DMRT1: variants seen among roughly 807,000 people sequenced by gnomAD.
The protein encoded by DMRT1 is doublesex- and mab-3-related transcription factor 1.
In DMRT1, 7 loss-of-function variants were observed where a neutral mutation model predicts 32.3. The ratio of observed to expected loss-of-function variants is 0.22; its 90% CI spans 0.12 to 0.41. DMRT1 has a LOEUF of 0.41. Ranked by LOEUF, DMRT1 falls within the 10% of genes least tolerant of loss-of-function variation. The pLI, the probability that DMRT1 is intolerant of heterozygous loss-of-function variation, is 1.00. For missense variants in DMRT1, 625 were observed against 500.5 expected, an observed-to-expected ratio of 1.25 and a Z score of -2.37; for synonymous variants, 278 against 206.1, an observed-to-expected ratio of 1.35 and a Z score of -2.99.
rs1417437228 is a variant in DMRT1, at chr9:841,766, T to C, written c.-73T>C. Reference sequence around the variant, plus strand: ...TCCTCCTCCGGAGCGTCGCTGTCCGTCGGGTTCATCCCTCGCAGCAGTCTC... The same window carrying C: ...TCCTCCTCCGGAGCGTCGCTGTCCGCCGGGTTCATCCCTCGCAGCAGTCTC... On this transcript the variant is annotated 5_prime_UTR_variant, in exon 1 of 5. Coordinates refer to ENST00000382276, the MANE Select transcript of DMRT1 (RefSeq NM_021951.3). 1 of 1,553,220 alleles carries C rather than the reference T, an allele frequency of 6.4e-7. No individual in the cohort carries two copies. Among genetic ancestry groups the C allele is most frequent in the African/African-American group, 1.4e-5 (1 of 73,258 alleles).
At chr9:900,102 G>C (rs1351947001) in intron 3 of DMRT1, among the ~76,000 whole-genome samples, 2 of 152,232 alleles carry the variant, frequency 1.3e-5, no homozygotes, top group Non-Finnish European at 2.9e-5. Flanking sequence ...ATTGGGAAAA[G>C]TGAGTCTTGG....
chr9:861,358 A>T (rs986169646), intron 2 of DMRT1, among the ~76,000 whole-genome samples: 3 of 152,196 alleles, frequency 2.0e-5, no homozygotes, highest in Non-Finnish European at 4.4e-5. Flanking sequence ...GACACAGCAC[A>T]TGTTTCAGAG....
At chr9:843,296 G>A (rs1216518510) in intron 1 of DMRT1, among the ~76,000 whole-genome samples, 4 of 152,254 alleles carry the variant, frequency 2.6e-5, no homozygotes, top group Non-Finnish European at 5.9e-5. Flanking sequence ...AATGGACACA[G>A]CGTTGCGCGG....
chr9:903,515 G>A (rs1268943635), intron 3 of DMRT1, among the ~76,000 whole-genome samples: 3 of 152,202 alleles, frequency 2.0e-5, no homozygotes, highest in African/African-American at 7.2e-5. Context: ...TGATCCTGCA[G>A]CAAGGGTAGT....
At chr9:859,943 G>T (rs1815580916) in intron 2 of DMRT1, among the ~76,000 whole-genome samples, 1 of 152,166 alleles carries the variant, frequency 6.6e-6, no homozygotes, top group Non-Finnish European at 1.5e-5. Flanking sequence ...GTTGATTTCA[G>T]AACTTATAAA....
intron 4 of DMRT1, among the ~76,000 whole-genome samples, chr9:954,395 G>T (rs1230765920): frequency 1.3e-5 from 2 of 152,164 alleles, no homozygotes; most frequent in East Asian, 3.9e-4. Context: ...GGTAGGATAG[G>T]GTCATTGGAA....
At chr9:878,853 C>T (rs917749392) in intron 2 of DMRT1, among the ~76,000 whole-genome samples, 5 of 152,148 alleles carry the variant, frequency 3.3e-5, no homozygotes, top group Admixed American at 6.5e-5. Flanking sequence ...TTCTTTGCTA[C>T]GTGCAAAGGC....
At chr9:905,945 A>G (rs1226462472) in intron 3 of DMRT1, among the ~76,000 whole-genome samples, 2 of 151,920 alleles carry the variant, frequency 1.3e-5, no homozygotes, top group African/African-American at 4.8e-5. Context: ...GGCAGTGCAC[A>G]TTTCTTGGTT....
At chr9:898,221 G>T (rs1817447303) in intron 3 of DMRT1, among the ~76,000 whole-genome samples, 1 of 152,048 alleles carries the variant, frequency 6.6e-6, no homozygotes. Context: ...CCAGGTTCAA[G>T]TGATTCCTGT....
chr9:897,351 C>T (rs1158347546), intron 3 of DMRT1, among the ~76,000 whole-genome samples: 7 of 151,674 alleles, frequency 4.6e-5, no homozygotes, highest in East Asian at 1.9e-4. Context: ...CTCCTGACCT[C>T]GTGATCCACC....
chr9:851,303 A>G (rs999258613), intron 2 of DMRT1, among the ~76,000 whole-genome samples: 14 of 151,894 alleles, frequency 9.2e-5, no homozygotes, highest in Non-Finnish European at 1.3e-4. Context: ...CAGTGGTGCA[A>G]TCTTGGCTCA....
intron 2 of DMRT1, among the ~76,000 whole-genome samples, chr9:851,524 C>G (rs1293493583): frequency 6.6e-6 from 1 of 152,030 alleles, no homozygotes; most frequent in African/African-American, 2.4e-5. Context: ...AGGCGTGAGC[C>G]ACTGCATCTG....
At chr9:948,242 TC>T (rs948021603) in intron 4 of DMRT1, among the ~76,000 whole-genome samples, 4 of 152,168 alleles carry the variant, frequency 2.6e-5, no homozygotes, top group Admixed American at 2.6e-4. Flanking sequence ...CCGCCCCTCC[TC>T]CCCTCTGTTG....
chr9:958,976 C>T (rs1239197424), intron 4 of DMRT1, among the ~76,000 whole-genome samples: 1 of 152,226 alleles, frequency 6.6e-6, no homozygotes, highest in African/African-American at 2.4e-5. Context: ...CCCTTTCAGA[C>T]TGGAGCATCT....
At chr9:842,317 CT>C (rs775835389) in intron 1 of DMRT1, 125 bp downstream of exon 1, 1 of 1,007,234 alleles carries the variant, frequency 9.9e-7, no homozygotes, top group Non-Finnish European at 1.3e-6. Context: ...TCACTGCAAC[CT>C]CCGCTTCCCG....
chr9:856,842 C>T (rs1327942534), intron 2 of DMRT1, among the ~76,000 whole-genome samples: 9 of 152,214 alleles, frequency 5.9e-5, no homozygotes, highest in Non-Finnish European at 1.3e-4. Context: ...CACTATTTTA[C>T]ATTCCTACCG....
intron 3 of DMRT1, among the ~76,000 whole-genome samples, chr9:914,104 T>C (rs536007267): frequency 1.8e-4 from 27 of 152,280 alleles, no homozygotes; most frequent in South Asian, 4.1e-4. Context: ...GCTGCAGTGC[T>C]CTAATTGATA....
intron 4 of DMRT1, among the ~76,000 whole-genome samples, chr9:921,659 A>G (rs1025210239): frequency 2.1e-4 from 32 of 152,142 alleles, no homozygotes; most frequent in African/African-American, 7.5e-4. Flanking sequence ...CTTGTTTTCC[A>G]TTTAAAAAAA....
intron 1 of DMRT1, among the ~76,000 whole-genome samples, chr9:844,480 T>C (rs1024608929): frequency 2.1e-5 from 3 of 141,132 alleles, no homozygotes; most frequent in African/African-American, 9.6e-5. Flanking sequence ...TTAAAACTTG[T>C]TTCTGGCCAG....
Sources: allele counts gnomAD v4.1 joint callset (sites outside exome capture counted in the v4.1 genomes callset), GRCh38; gene constraint gnomAD v4.1.1; transcripts MANE v1.5; gene names NCBI Gene and HGNC (gene_info 2026-07-23, HGNC 2026-07-21).